The following SETD3 variants were observed in gnomAD, a reference collection of about 807,000 sequenced individuals.
The protein encoded by SETD3 is SET domain containing 3, actin N3(tau)-histidine methyltransferase, also known as actin-histidine N-methyltransferase.
SETD3 carries 19 observed loss-of-function variants against 63.0 expected under a neutral mutation model. The ratio of observed to expected loss-of-function variants is 0.30; its 90% CI spans 0.21 to 0.44. The LOEUF (loss-of-function observed/expected upper bound fraction) is 0.44, where lower values mean the gene tolerates loss of function less well. Among genes scored for constraint, SETD3 ranks in the 20% least tolerant of loss-of-function variants. The probability of loss-of-function intolerance (pLI) is 1.00; values close to 1 mark genes in which losing one functional copy is unlikely to be tolerated. For missense variants in SETD3, 587 were observed against 728.5 expected, an observed-to-expected ratio of 0.81 and a Z score of 2.24; for synonymous variants, 286 against 264.1, an observed-to-expected ratio of 1.08 and a Z score of -0.80.
At chr14:99,439,360 C>T (rs1051098875) in intron 6 of SETD3, among the ~76,000 whole-genome samples, 1 of 152,188 alleles carries the variant, frequency 6.6e-6, no homozygotes, top group African/African-American at 2.4e-5. Context: ...CACCTGACTG[C>T]CCCAAGCTTC....
At chr14:99,461,460 C>G in intron 3 of SETD3, 120 bp from the exon 4 acceptor site, 1 of 988,172 alleles carries the variant, frequency 1.0e-6, no homozygotes, top group East Asian at 2.4e-5. Flanking sequence ...ACACGCCAAT[C>G]TTGAAATCAA....
At chr14:99,450,730 G>T (rs1191262143) in intron 6 of SETD3, among the ~76,000 whole-genome samples, 2 of 152,168 alleles carry the variant, frequency 1.3e-5, no homozygotes, top group Non-Finnish European at 2.9e-5. Context: ...CCTTTCAAAT[G>T]GTTGGATCAA....
At chr14:99,455,043 A>T (rs1426544456) in intron 6 of SETD3, among the ~76,000 whole-genome samples, 3 of 152,256 alleles carry the variant, frequency 2.0e-5, no homozygotes, top group African/African-American at 7.2e-5. Flanking sequence ...CTAATTCCAA[A>T]TTATATTTAA....
At chr14:99,427,069 C>T (rs772588760) in intron 6 of SETD3, among the ~76,000 whole-genome samples, 1 of 152,156 alleles carries the variant, frequency 6.6e-6, no homozygotes, top group Non-Finnish European at 1.5e-5. Flanking sequence ...GCATCCGGAG[C>T]GCCTCCTGTC....
At chr14:99,448,937 T>C (rs1404576439) in intron 6 of SETD3, among the ~76,000 whole-genome samples, 1 of 152,204 alleles carries the variant, frequency 6.6e-6, no homozygotes, top group East Asian at 1.9e-4. Context: ...AAGCACTCCA[T>C]GCAAAAACTG....
At chr14:99,452,414 TG>T (rs1290865248) in intron 6 of SETD3, among the ~76,000 whole-genome samples, 1 of 152,218 alleles carries the variant, frequency 6.6e-6, no homozygotes, top group Non-Finnish European at 1.5e-5. Flanking sequence ...CCAAGACTTT[TG>T]TTTTAAACAA....
At chr14:99,434,846 T>TAAAAAAAAAA (rs1566706239) in intron 6 of SETD3, among the ~76,000 whole-genome samples, 2 of 18,900 alleles carry the variant, frequency 1.1e-4, no homozygotes, top group African/African-American at 6.0e-4. Context: ...AAACTCTGCC[T>TAAAAAAAAAA]CAAAAAAAAA....
chr14:99,405,235 G>C lies in SETD3; in HGVS notation c.1061C>G (p.Ala354Gly). The C allele has an allele frequency of 6.2e-7, 1 of 1,613,940 alleles. No individual in the cohort carries two copies. The highest frequency in any genetic ancestry group is 8.5e-7 in the Non-Finnish European group (1 of 1,179,930). ...GATGCCGGCACGAGCCAAGACCTCG[G>C]CCTTCATGGCGTAGAGTCTGTCACT... is the stretch of plus-strand genomic sequence containing the variant. ...SKSDRLYAMK[A>G]EVLARAGIPT... The change falls in exon 10 of 13, where the codon GCC (alanine) becomes GGC (glycine). Residue 354 changes from alanine (A) to glycine (G), a missense_variant. Ala to Gly is a moderately conservative substitution (Grantham distance 60). Transcript: ENST00000331768.
intron 6 of SETD3, among the ~76,000 whole-genome samples, chr14:99,443,227 T>C (rs1040874593): frequency 6.7e-6 from 1 of 149,956 alleles, no homozygotes; most frequent in Non-Finnish European, 1.5e-5. Flanking sequence ...AATTTCTCCA[T>C]AAAGCAATCT....
Position 99,399,010 on chromosome 14 carries a change from T to A in SETD3, c.1454A>T (p.Asn485Ile). The A allele has an allele frequency of 6.2e-7, 1 of 1,614,216 alleles. No individual in the cohort carries two copies. Among genetic ancestry groups the A allele is most frequent in the Non-Finnish European group, 8.5e-7 (1 of 1,180,046 alleles). ...LEKAVKSAAV[N>I]REYYRQQMEE... Reference sequence around the variant, plus strand: ...CATCTGTTGGCGATAGTATTCCCGGTTGACAGCTGCACTCTTTACTGCTTT... The same window carrying A: ...CATCTGTTGGCGATAGTATTCCCGGATGACAGCTGCACTCTTTACTGCTTT... The change falls in exon 13 of 13, where the codon AAC becomes ATC. Residue 485 changes from asparagine to isoleucine, a missense_variant. Asn to Ile is a moderately radical substitution (Grantham distance 149). Coordinates refer to ENST00000331768, the MANE Select transcript of SETD3 (RefSeq NM_032233.3).
At chr14:99,404,112 CA>C in intron 11 of SETD3, 112 bp downstream of exon 11, 1 of 748,274 alleles carries the variant, frequency 1.3e-6, no homozygotes, top group Non-Finnish European at 2.1e-6. Context: ...TCTCTCTTCC[CA>C]AAAGTACTGT....
At chr14:99,399,229 G>A in intron 12 of SETD3, 104 bp from the exon 13 acceptor site, 1 of 865,162 alleles carries the variant, frequency 1.2e-6, no homozygotes, top group South Asian at 1.7e-5. Context: ...AACTTTTTGG[G>A]GTGACGGGAG....
rs886947163 is a variant in SETD3 at position 99,445,691 on chromosome 14, T to C, written c.675+12588A>G. On this transcript the variant is annotated intron_variant, in intron 6 of 12. Transcript: ENST00000331768. Reference sequence around the variant, plus strand: ...ATCAACGAATGTGAGTGATTACAAATGTGTGTAATGTGGGAGTGTTCTCAT... The same window carrying C: ...ATCAACGAATGTGAGTGATTACAAACGTGTGTAATGTGGGAGTGTTCTCAT... Among the ~76,000 whole-genome samples, 7 of 152,202 alleles carry C rather than the reference T, an allele frequency of 4.6e-5. No homozygotes were observed. The South Asian group carries it at 1.2e-3, about 27-fold the overall frequency.
chr14:99,407,428 T>C (rs1416309198), intron 8 of SETD3, among the ~76,000 whole-genome samples: 13 of 152,220 alleles, frequency 8.5e-5, no homozygotes, highest in Admixed American at 8.5e-4. Flanking sequence ...TTATTCCTTC[T>C]CACCTAGCTT....
chr14:99,427,746 C>G (rs1220409447), intron 6 of SETD3, among the ~76,000 whole-genome samples: 1 of 152,192 alleles, frequency 6.6e-6, no homozygotes, highest in Non-Finnish European at 1.5e-5. Flanking sequence ...GATGAGTTCC[C>G]TGCTTTTAAG....
intron 2 of SETD3, among the ~76,000 whole-genome samples, chr14:99,465,044 G>A (rs982824165): frequency 6.6e-6 from 1 of 152,208 alleles, no homozygotes; most frequent in Admixed American, 6.5e-5. Context: ...AATGAAGTGG[G>A]AAGATCACTT....
chr14:99,413,317 G>A (rs193047206), intron 7 of SETD3: 180 of 447,658 alleles, frequency 4.0e-4, no homozygotes, highest in African/African-American at 3.3e-3. Context: ...ACGGCTTTGC[G>A]CAGGGCTCAG....
intron 6 of SETD3, among the ~76,000 whole-genome samples, chr14:99,444,834 CAAA>C (rs58112982): frequency 8.6e-6 from 1 of 115,828 alleles, no homozygotes. Context: ...GACTTTGTCT[CAAA>C]AAAAAAAAAA....
chr14:99,405,500 C>G, intron 9 of SETD3, 129 bp from the exon 10 acceptor site: 2 of 1,029,238 alleles, frequency 1.9e-6, no homozygotes, highest in Non-Finnish European at 2.8e-6. Flanking sequence ...ATTGATACAC[C>G]TGTTTGGTAT....
Sources: gnomAD v4.1 joint callset for allele counts (sites outside exome capture counted in the v4.1 genomes callset) on GRCh38, gnomAD v4.1.1 for gene constraint, MANE v1.5 for transcripts, NCBI Gene and HGNC (gene_info 2026-07-23, HGNC 2026-07-21) for gene names.